Variants in ARHGAP26 observed in about 807,000 individuals in gnomAD.
The protein encoded by ARHGAP26 is rho GTPase-activating protein 26.
A neutral mutation model predicts 104.8 loss-of-function variants in ARHGAP26; 38 were observed. The ratio of observed to expected loss-of-function variants is 0.36; its 90% CI spans 0.28 to 0.48. The LOEUF is 0.48. ARHGAP26 is among the 20% of genes least tolerant of loss of function. The pLI is 0.99. For synonymous variants in ARHGAP26, 341 were observed against 340.0 expected (o/e 1.00, Z -0.03); for missense variants, 704 against 947.9 (o/e 0.74, Z 3.38).
At chr5:142,989,395 A>G (rs1301872027) in intron 11 of ARHGAP26, among the ~76,000 whole-genome samples, 1 of 152,000 alleles carries the variant, frequency 6.6e-6, no homozygotes, top group Non-Finnish European at 1.5e-5. Context: ...GGTCTCCTGA[A>G]TACAGCACAC....
chr5:142,970,409 CTCTT>C (rs1772088318), intron 11 of ARHGAP26, among the ~76,000 whole-genome samples: 1 of 152,200 alleles, frequency 6.6e-6, no homozygotes, highest in Non-Finnish European at 1.5e-5. Flanking sequence ...TAGCCTTTGA[CTCTT>C]TCTGTTTTCC....
intron 11 of ARHGAP26, among the ~76,000 whole-genome samples, chr5:142,955,081 TAGTG>T (rs1407216962): frequency 3.4e-5 from 5 of 148,776 alleles, no homozygotes; most frequent in African/African-American, 1.0e-4. Context: ...CAGTTCAACA[TAGTG>T]AGACCTGTCT....
At chr5:143,218,546 G>A (rs76924204) in intron 22 of ARHGAP26, among the ~76,000 whole-genome samples, 1 of 152,194 alleles carries the variant, frequency 6.6e-6, no homozygotes, top group Non-Finnish European at 1.5e-5. Context: ...CCTGTCCATG[G>A]TGAGTGAAGG....
At chr5:143,019,559 G>A (rs769446179) in intron 12 of ARHGAP26, among the ~76,000 whole-genome samples, 1 of 152,148 alleles carries the variant, frequency 6.6e-6, no homozygotes, top group Non-Finnish European at 1.5e-5. Flanking sequence ...AGTCCAGGTT[G>A]GAAGCAGGAT....
At chr5:143,105,539 CAT>C (rs372694860) in intron 17 of ARHGAP26, among the ~76,000 whole-genome samples, 2 of 152,182 alleles carry the variant, frequency 1.3e-5, no homozygotes, top group East Asian at 1.9e-4. Context: ...GTGTGGGAAT[CAT>C]ATGTGGGTGT....
chr5:142,897,301 A>G (rs1400269368), intron 6 of ARHGAP26, among the ~76,000 whole-genome samples: 2 of 152,258 alleles, frequency 1.3e-5, no homozygotes, highest in Non-Finnish European at 2.9e-5. Context: ...ATGTTAGGAC[A>G]AAGATAGTAA....
intron 11 of ARHGAP26, among the ~76,000 whole-genome samples, chr5:142,997,618 A>G (rs1598553137): frequency 2.1e-5 from 3 of 142,542 alleles, no homozygotes; most frequent in South Asian, 4.4e-4. Flanking sequence ...AGGTCTCACC[A>G]TGTTGCCCAG....
intron 14 of ARHGAP26, among the ~76,000 whole-genome samples, chr5:143,042,649 T>A (rs1298413932): frequency 6.6e-6 from 1 of 152,244 alleles, no homozygotes; most frequent in Non-Finnish European, 1.5e-5. Flanking sequence ...AGCCCTGGCT[T>A]GTAGAGAGGG....
intron 12 of ARHGAP26, among the ~76,000 whole-genome samples, chr5:143,027,515 A>G (rs999498317): frequency 6.7e-6 from 1 of 149,270 alleles, no homozygotes; most frequent in Admixed American, 6.8e-5. Flanking sequence ...TACTACTTTT[A>G]TTATTAATTT....
At position 143,121,232 on chromosome 5, in the gene ARHGAP26, T is replaced by C; in HGVS notation, c.1698+85T>C. 2.9e-6 allele frequency: 4 copies of C among 1,379,384 alleles called. No homozygotes were observed. In the South Asian group the frequency reaches 5.3e-5, roughly 18 times the overall value. 85.4% of individuals were successfully genotyped at this position (1,379,384 alleles called of 1,614,324 possible). On this transcript the variant is annotated intron_variant, in intron 18 of 22. Transcript: ENST00000645722. ...TTGACCTTCAGAGTTGGCTCAGATT[T>C]GCATTGCTAATCACTCTTACACTGT...
intron 20 of ARHGAP26, among the ~76,000 whole-genome samples, chr5:143,151,380 A>G (rs1799820263): frequency 6.6e-6 from 1 of 152,224 alleles, no homozygotes; most frequent in Non-Finnish European, 1.5e-5. Flanking sequence ...TCACAAAACC[A>G]AACATATTCT....
chr5:143,144,931 TGA>T (rs1798989085), intron 19 of ARHGAP26, among the ~76,000 whole-genome samples: 1 of 152,240 alleles, frequency 6.6e-6, no homozygotes, highest in Admixed American at 6.5e-5. Flanking sequence ...CTACAGATGA[TGA>T]GACCTTTCTT....
intron 1 of ARHGAP26, among the ~76,000 whole-genome samples, chr5:142,776,725 A>G (rs1051866002): frequency 6.6e-6 from 1 of 152,126 alleles, no homozygotes; most frequent in African/African-American, 2.4e-5. Flanking sequence ...TCATGTGTAT[A>G]TATGTTTTCA....
At chr5:142,772,682 C>A in intron 1 of ARHGAP26, 1 of 520,482 alleles carries the variant, frequency 1.9e-6, no homozygotes, top group South Asian at 1.4e-5. Flanking sequence ...ACAGCTCTAG[C>A]AGCAGGACCA....
intron 1 of ARHGAP26, among the ~76,000 whole-genome samples, chr5:142,855,082 A>C (rs2152280079): frequency 6.6e-6 from 1 of 152,272 alleles, no homozygotes; most frequent in South Asian, 2.1e-4. Flanking sequence ...AATCACAAAA[A>C]TAATAATTAA....
chr5:143,077,755 CTG>C (rs905251455), intron 17 of ARHGAP26, among the ~76,000 whole-genome samples: 6 of 152,234 alleles, frequency 3.9e-5, no homozygotes, highest in African/African-American at 1.4e-4. Context: ...TAAAAGTAAA[CTG>C]TGCAATCAAA....
intron 10 of ARHGAP26, among the ~76,000 whole-genome samples, chr5:142,931,444 A>T (rs772869151): frequency 6.6e-6 from 1 of 152,194 alleles, no homozygotes; most frequent in Non-Finnish European, 1.5e-5. Flanking sequence ...AGTGAGTGAA[A>T]TGATCTCATG....
At chr5:142,934,066 A>G (rs1459552375) in intron 11 of ARHGAP26, among the ~76,000 whole-genome samples, 2 of 152,176 alleles carry the variant, frequency 1.3e-5, no homozygotes. Context: ...AAGCCAAATT[A>G]CAACAACAAA....
At chr5:143,186,239 G>A (rs911189324) in intron 20 of ARHGAP26, among the ~76,000 whole-genome samples, 1 of 152,212 alleles carries the variant, frequency 6.6e-6, no homozygotes, top group Non-Finnish European at 1.5e-5. Context: ...ATCTCTGGCA[G>A]CATTTGTATG....
Sources: gnomAD v4.1 joint callset for allele counts (sites outside exome capture counted in the v4.1 genomes callset) on GRCh38, gnomAD v4.1.1 for gene constraint, MANE v1.5 for transcripts, NCBI Gene and HGNC (gene_info 2026-07-23, HGNC 2026-07-21) for gene names.